The following VTA1 variants were observed in gnomAD, a reference collection of about 807,000 sequenced individuals.
The protein encoded by VTA1 is vesicle trafficking 1.
VTA1 carries 24 observed loss-of-function variants against 36.9 expected under a neutral mutation model. The ratio of observed to expected loss-of-function variants is 0.65; its 90% confidence interval spans 0.47 to 0.91. The LOEUF is 0.91. Among genes scored for constraint, VTA1 ranks in the 40% least tolerant of loss-of-function variants. The pLI is 0.00. For missense variants in VTA1, 393 were observed against 377.2 expected (o/e 1.04, Z -0.35); for synonymous variants, 142 against 130.2 (o/e 1.09, Z -0.62).
At chr6:142,203,768 A>G (rs1056995038) in intron 6 of VTA1, among the ~76,000 whole-genome samples, 3 of 152,212 alleles carry the variant, frequency 2.0e-5, no homozygotes, top group African/African-American at 7.2e-5. Context: ...AATGCGAAGC[A>G]TTAGACAAAA....
At chr6:142,164,784 A>T (rs773743105) in intron 1 of VTA1, among the ~76,000 whole-genome samples, 25 of 152,328 alleles carry the variant, frequency 1.6e-4, no homozygotes, top group Middle Eastern at 3.4e-3. Flanking sequence ...GATAAAAATG[A>T]CATTTAAATC....
At chr6:142,218,459 A>G (rs756505535) in intron 7 of VTA1, 39 bp from the exon 8 acceptor site, 12 of 1,602,754 alleles carry the variant, frequency 7.5e-6, no homozygotes, top group South Asian at 6.7e-5. Context: ...AACACTTTTT[A>G]TATTCTTATA....
At chr6:142,163,223 C>T (rs745948484) in intron 1 of VTA1, among the ~76,000 whole-genome samples, 1 of 151,992 alleles carries the variant, frequency 6.6e-6, no homozygotes, top group Non-Finnish European at 1.5e-5. Flanking sequence ...TACCAGCCAG[C>T]ACACTTCCAA....
chr6:142,176,070 A>C (rs1467740949), intron 4 of VTA1, among the ~76,000 whole-genome samples: 1 of 152,186 alleles, frequency 6.6e-6, no homozygotes, highest in Non-Finnish European at 1.5e-5. Flanking sequence ...TATAGAGTCA[A>C]CATAAATATT....
intron 1 of VTA1, among the ~76,000 whole-genome samples, chr6:142,160,611 C>T (rs1248722097): frequency 3.3e-5 from 5 of 152,148 alleles, no homozygotes; most frequent in South Asian, 2.1e-4. Flanking sequence ...CTTAGTTTGG[C>T]GTGTGCCTCC....
intron 1 of VTA1, among the ~76,000 whole-genome samples, chr6:142,149,560 C>A (rs1778525468): frequency 1.3e-5 from 2 of 152,010 alleles, no homozygotes; most frequent in African/African-American, 4.8e-5. Flanking sequence ...TTGTTTATTG[C>A]TTTTGCCCAT....
In VTA1 at chr6:142,218,897, A is replaced by C; in HGVS notation, c.*254A>C. The C allele has an allele frequency of 3.4e-6, 1 of 290,424 alleles. No individual in the cohort carries two copies. The allele number at this position is 290,424 out of a possible 1,614,324, so 18.0% of individuals were successfully genotyped here. ...AGCAAGACCCTAAAAATGTCCATTG[A>C]ACCCTGCTTCAAAAAATGAAAACAC... On this transcript the variant is annotated 3_prime_UTR_variant, in exon 8 of 8. Coordinates refer to ENST00000367630, the MANE Select transcript of VTA1 (RefSeq NM_016485.5).
At chr6:142,155,361 C>G (rs1313679002) in intron 1 of VTA1, among the ~76,000 whole-genome samples, 2 of 151,992 alleles carry the variant, frequency 1.3e-5, no homozygotes, top group Non-Finnish European at 2.9e-5. Context: ...GCAGAATTTC[C>G]TGAATGATTA....
rs564939098 is a variant in VTA1 at position 142,159,964 on chromosome 6, A to G, written c.113-6264A>G. ...GTTTTTATTATTTTGTCATTGTTTG[A>G]TCTCATACTGTTGGCTTATATTTTT... On this transcript the variant is annotated intron_variant, in intron 1 of 7. Coordinates refer to ENST00000367630, the MANE Select transcript of VTA1 (RefSeq NM_016485.5). Among the ~76,000 whole-genome samples, 4 of 151,632 alleles carry G rather than the reference A, an allele frequency of 2.6e-5. No individual in the cohort carries two copies. The South Asian group carries it at 8.3e-4, about 32-fold the overall frequency.
At chr6:142,195,358 A>G (rs1015062652) in intron 5 of VTA1, among the ~76,000 whole-genome samples, 2 of 151,904 alleles carry the variant, frequency 1.3e-5, no homozygotes, top group African/African-American at 4.8e-5. Flanking sequence ...AGTGCCATTT[A>G]TTGGCGTAAT....
intron 1 of VTA1, among the ~76,000 whole-genome samples, chr6:142,152,010 G>A (rs1249654296): frequency 6.6e-6 from 1 of 152,090 alleles, no homozygotes; most frequent in Non-Finnish European, 1.5e-5. Context: ...TCCAACCTGG[G>A]GAACAGGAGC....
At chr6:142,155,509 G>A (rs1298304970) in intron 1 of VTA1, among the ~76,000 whole-genome samples, 1 of 152,104 alleles carries the variant, frequency 6.6e-6, no homozygotes, top group Non-Finnish European at 1.5e-5. Flanking sequence ...ATAACGTGAG[G>A]GAAGGTTTAT....
chr6:142,153,787 G>A (rs977657385), intron 1 of VTA1, among the ~76,000 whole-genome samples: 1 of 152,034 alleles, frequency 6.6e-6, no homozygotes, highest in African/African-American at 2.4e-5. Flanking sequence ...TTTCTGGAAA[G>A]AATCCCATTA....
chr6:142,194,124 C>A (rs533869416), intron 5 of VTA1, among the ~76,000 whole-genome samples: 1 of 152,266 alleles, frequency 6.6e-6, no homozygotes, highest in South Asian at 2.1e-4. Context: ...CTAGCCACTC[C>A]TACGACCAAA....
At chr6:142,176,585 G>A (rs2114651805) in intron 4 of VTA1, among the ~76,000 whole-genome samples, 1 of 149,878 alleles carries the variant, frequency 6.7e-6, no homozygotes, top group South Asian at 2.1e-4. Flanking sequence ...CAAACTCTCT[G>A]TGATAAAGGT....
At chr6:142,216,265 G>C (rs757591527) in intron 7 of VTA1, among the ~76,000 whole-genome samples, 9 of 152,006 alleles carry the variant, frequency 5.9e-5, no homozygotes, top group South Asian at 4.2e-4. Flanking sequence ...TTACTCTGTT[G>C]AGTTTTTAAA....
intron 1 of VTA1, among the ~76,000 whole-genome samples, chr6:142,148,645 A>G (rs968891280): frequency 2.6e-5 from 4 of 152,192 alleles, no homozygotes; most frequent in African/African-American, 9.6e-5. Context: ...TATAGAGTCT[A>G]TCATACATAG....
At chr6:142,189,999 C>T (rs746245461) in intron 5 of VTA1, among the ~76,000 whole-genome samples, 6 of 152,074 alleles carry the variant, frequency 3.9e-5, no homozygotes, top group Non-Finnish European at 8.8e-5. Context: ...CCTTGTGATC[C>T]GCCCACCTTG....
intron 4 of VTA1, among the ~76,000 whole-genome samples, chr6:142,182,909 G>A (rs2114658518): frequency 6.6e-6 from 1 of 152,270 alleles, no homozygotes; most frequent in Middle Eastern, 3.4e-3. Context: ...AAGAGACAAG[G>A]AATCCAAGAG....
Sources: gnomAD v4.1 joint callset for allele counts (sites outside exome capture counted in the v4.1 genomes callset) on GRCh38, gnomAD v4.1.1 for gene constraint, MANE v1.5 for transcripts, NCBI Gene and HGNC (gene_info 2026-07-23, HGNC 2026-07-21) for gene names.